The following NADK2 variants were observed in gnomAD, a reference collection of about 807,000 sequenced individuals.
NADK2 encodes the protein NAD kinase domain-containing protein 1, mitochondrial.
Under a neutral mutation model 62.1 loss-of-function variants are expected in NADK2, and 35 were observed. That is an observed-to-expected ratio of 0.56 (90% CI 0.43 to 0.75). NADK2 has a LOEUF of 0.75. NADK2 is among the 30% of genes least tolerant of loss of function. The pLI, the probability that NADK2 is intolerant of heterozygous loss-of-function variation, is 0.00. For missense variants in NADK2, 439 were observed against 561.3 expected, an observed-to-expected ratio of 0.78 and a Z score of 2.20; for synonymous variants, 205 against 207.9, an observed-to-expected ratio of 0.99 and a Z score of 0.12.
chr5:36,207,376 C>G (rs757297127), intron 7 of NADK2, 111 bp from the exon 8 acceptor site: 7 of 717,836 alleles, frequency 9.8e-6, no homozygotes, highest in Non-Finnish European at 1.6e-5. Flanking sequence ...CCAAGAAATA[C>G]TTGACTTAGT....
intron 6 of NADK2, 123 bp from the exon 7 acceptor site, chr5:36,212,045 TAC>T: frequency 1.5e-6 from 1 of 659,962 alleles, no homozygotes; most frequent in Admixed American, 2.8e-5. Context: ...CATACTTTAA[TAC>T]AGTTAACATT....
intron 7 of NADK2, among the ~76,000 whole-genome samples, chr5:36,209,886 C>A (rs1746775485): frequency 6.6e-6 from 1 of 152,110 alleles, no homozygotes; most frequent in Non-Finnish European, 1.5e-5. Context: ...ATTACATAAA[C>A]AAACTAATTA....
intron 4 of NADK2, chr5:36,221,018 CTCACA>C (rs1252570962): frequency 6.6e-6 from 1 of 152,278 alleles, no homozygotes; most frequent in African/African-American, 2.4e-5. Context: ...CCTACACATT[CTCACA>C]TCATATTCTA....
chr5:36,199,577 C>T (rs1247085737), intron 10 of NADK2, among the ~76,000 whole-genome samples: 1 of 151,964 alleles, frequency 6.6e-6, no homozygotes. Flanking sequence ...ATGTGTTTTT[C>T]AGTTTAAAAA....
intron 9 of NADK2, among the ~76,000 whole-genome samples, chr5:36,200,640 G>A (rs576264289): frequency 5.3e-5 from 8 of 151,998 alleles, no homozygotes; most frequent in African/African-American, 7.2e-5. Flanking sequence ...AAAATCTCAC[G>A]CAGTCCTGCT....
At chr5:36,214,043 A>G (rs1336786680) in intron 6 of NADK2, among the ~76,000 whole-genome samples, 1 of 152,208 alleles carries the variant, frequency 6.6e-6, no homozygotes, top group Non-Finnish European at 1.5e-5. Flanking sequence ...GACAATAAAT[A>G]AAATTGTTTC....
chr5:36,239,923 A>G (rs1312864363), intron 1 of NADK2, among the ~76,000 whole-genome samples: 1 of 152,164 alleles, frequency 6.6e-6, no homozygotes, highest in Non-Finnish European at 1.5e-5. Flanking sequence ...TGAGCTCTTC[A>G]CTCTTAATCC....
At chr5:36,199,442 C>G (rs569300514) in intron 10 of NADK2, among the ~76,000 whole-genome samples, 2 of 151,898 alleles carry the variant, frequency 1.3e-5, no homozygotes, top group African/African-American at 2.4e-5. Context: ...AACAATCTAG[C>G]TTGAAATTTT....
In NADK2 at chr5:36,241,445, C is replaced by G; in HGVS notation, c.300+54G>C. 1 of 1,482,354 alleles carries G rather than the reference C, an allele frequency of 6.7e-7. No homozygotes were observed. The highest frequency in any genetic ancestry group is 2.8e-5 in the East Asian group (1 of 35,352). 91.8% of individuals were successfully genotyped at this position (1,482,354 alleles called of 1,614,324 possible). Reference sequence around the variant, plus strand: ...AGGTCCCCCCGAGGGGGCGCAGCCGCCACCAGAGCCCCGGCCGAGCCCGGG... The same window carrying G: ...AGGTCCCCCCGAGGGGGCGCAGCCGGCACCAGAGCCCCGGCCGAGCCCGGG... On this transcript the variant is annotated intron_variant, in intron 1 of 11. Coordinates refer to ENST00000381937, the MANE Select transcript of NADK2 (RefSeq NM_001085411.3). This position sits in a 1 kb window ranked among gnomAD's most constrained non-coding sequence, Gnocchi z 4.9.
At chr5:36,203,693 T>G (rs1746529792) in intron 8 of NADK2, among the ~76,000 whole-genome samples, 2 of 152,090 alleles carry the variant, frequency 1.3e-5, no homozygotes, top group South Asian at 4.1e-4. Flanking sequence ...GAGGAATGCT[T>G]TAAAAGCATT....
chr5:36,208,783 T>C, intron 7 of NADK2: 1 of 786,708 alleles, frequency 1.3e-6, no homozygotes, highest in South Asian at 1.7e-5. Flanking sequence ...AGGAATAATA[T>C]TGCTGCACTT....
intron 6 of NADK2, among the ~76,000 whole-genome samples, chr5:36,214,925 A>G (rs1164581547): frequency 1.3e-5 from 2 of 152,176 alleles, no homozygotes; most frequent in Non-Finnish European, 2.9e-5. Context: ...CTCTATATTA[A>G]TAAAACCAGT....
In NADK2 at chr5:36,195,222, A is replaced by T; in HGVS notation, c.1251T>A (p.Phe417Leu). 6.2e-7 allele frequency: 1 copy of T among 1,613,584 alleles called. No individual in the cohort carries two copies. ...ACMVVDGGTS[F>L]EFNDGAIASM... ...AAGCAATTGCACCATCATTAAACTC[A>T]AAAGAAGTTCCTCCATCCACAACCA... The change falls in exon 12 of 12, where the codon TTT becomes TTA. Residue 417 changes from phenylalanine (F) to leucine (L), a missense_variant. By Grantham distance (22) the Phe-to-Leu change is conservative. Coordinates refer to ENST00000381937, the MANE Select transcript of NADK2 (RefSeq NM_001085411.3).
rs1747988777 is a variant in NADK2 at position 36,238,450 on chromosome 5, ACTT to A, written c.300+3046_300+3048del. 3.9e-5 allele frequency among the ~76,000 whole-genome samples: 6 copies of A among 152,346 alleles called. No individual in the cohort carries two copies. In the South Asian group the frequency reaches 8.3e-4, roughly 21 times the overall value. On this transcript the variant is annotated intron_variant, in intron 1 of 11. Transcript: ENST00000381937. Reference sequence around the variant, plus strand: ...ATGGAGAGGAGGGCAGAAACTGCTGACTTCTTATTTGTTCTACATTAAAATTTT... The same window carrying A: ...ATGGAGAGGAGGGCAGAAACTGCTGACTTATTTGTTCTACATTAAAATTTT...
intron 8 of NADK2, among the ~76,000 whole-genome samples, chr5:36,203,412 T>C (rs140991334): frequency 5.3e-5 from 8 of 152,082 alleles, no homozygotes; most frequent in Non-Finnish European, 1.0e-4. Flanking sequence ...TGAATGGGAA[T>C]TGCAATCATA....
intron 2 of NADK2, 71 bp from the exon 3 acceptor site, chr5:36,226,634 G>T: frequency 9.6e-7 from 1 of 1,038,316 alleles, no homozygotes; most frequent in Admixed American, 2.0e-5. Flanking sequence ...TGTTTTCTGA[G>T]AGGCAGATGA....
At chr5:36,226,331 T>C (rs1747481170) in intron 3 of NADK2, 144 bp downstream of exon 3, 2 of 582,704 alleles carry the variant, frequency 3.4e-6, no homozygotes, top group South Asian at 5.3e-5. Context: ...AAACAGAAGT[T>C]TTAAACTTGA....
intron 4 of NADK2, 121 bp from the exon 5 acceptor site, chr5:36,219,800 C>T: frequency 1.4e-6 from 1 of 717,474 alleles, no homozygotes; most frequent in Non-Finnish European, 2.3e-6. Flanking sequence ...CTAAAAATGT[C>T]TACCCTATAT....
chr5:36,207,940 T>C (rs1024706916), intron 7 of NADK2, among the ~76,000 whole-genome samples: 12 of 152,242 alleles, frequency 7.9e-5, no homozygotes, highest in African/African-American at 2.9e-4. Context: ...CACTATTCTT[T>C]AACTCCATGA....
Sources: allele counts gnomAD v4.1 joint callset (sites outside exome capture counted in the v4.1 genomes callset), GRCh38; gene constraint gnomAD v4.1.1; non-coding constraint Gnocchi (gnomAD v3.1); transcripts MANE v1.5; gene names NCBI Gene and HGNC (gene_info 2026-07-23, HGNC 2026-07-21).